The following GRIA1 variants were observed in gnomAD, a reference collection of about 807,000 sequenced individuals.
GRIA1 encodes the protein glutamate receptor 1.
A neutral mutation model predicts 99.2 loss-of-function variants in GRIA1; 31 were observed. The observed-to-expected ratio is 0.31, with a 90% CI of 0.23 to 0.42. The LOEUF (loss-of-function observed/expected upper bound fraction) is 0.42. Among genes scored for constraint, GRIA1 ranks in the 10% least tolerant of loss-of-function variants. The pLI is 1.00. For missense variants in GRIA1, 782 were observed against 1,157.5 expected (o/e 0.68, Z 4.71); for synonymous variants, 438 against 432.4 (o/e 1.01, Z -0.16).
chr5:153,599,048 G>GT (rs1480229222), intron 2 of GRIA1, among the ~76,000 whole-genome samples: 12 of 151,868 alleles, frequency 7.9e-5, no homozygotes, highest in Non-Finnish European at 1.6e-4. Context: ...CGCCTGGCTA[G>GT]TTTTTTTGTA....
intron 2 of GRIA1, among the ~76,000 whole-genome samples, chr5:153,500,661 A>G (rs1351071780): frequency 6.7e-6 from 1 of 149,830 alleles, no homozygotes; most frequent in African/African-American, 2.5e-5. Flanking sequence ...ACACATTCAG[A>G]GGAAGGAAGG....
intron 11 of GRIA1, among the ~76,000 whole-genome samples, chr5:153,717,017 G>A (rs1275128298): frequency 1.3e-5 from 2 of 152,190 alleles, no homozygotes. Flanking sequence ...ACAGGAAGCG[G>A]CTGTTGAGGA....
chr5:153,796,331 G>C (rs925492189), intron 14 of GRIA1, among the ~76,000 whole-genome samples: 1 of 152,054 alleles, frequency 6.6e-6, no homozygotes, highest in Admixed American at 6.5e-5. Context: ...TTCCTTTAAA[G>C]CTACTATCTT....
At chr5:153,562,170 G>A (rs1337676299) in intron 2 of GRIA1, among the ~76,000 whole-genome samples, 2 of 152,206 alleles carry the variant, frequency 1.3e-5, no homozygotes, top group Non-Finnish European at 2.9e-5. Context: ...AAATGGAGGT[G>A]AGGGTGGAAA....
intron 2 of GRIA1, among the ~76,000 whole-genome samples, chr5:153,610,166 T>G (rs1765856055): frequency 6.6e-6 from 1 of 152,154 alleles, no homozygotes; most frequent in Admixed American, 6.5e-5. Flanking sequence ...CAGGACAGTG[T>G]TGAATGGAGA....
intron 2 of GRIA1, among the ~76,000 whole-genome samples, chr5:153,634,679 G>A (rs1214078444): frequency 6.6e-6 from 1 of 152,214 alleles, no homozygotes; most frequent in Non-Finnish European, 1.5e-5. Flanking sequence ...AAGTATACGT[G>A]CATTGCAAGA....
rs146614665 is a variant in GRIA1, at chr5:153,516,104, C to G, written c.220+22039C>G. The stretch of plus-strand genomic sequence containing the variant: ...ACGTGGTGGCGGGCGCCTGTAATCC[C>G]AGCTGCTCAGAAGGCTAAGGCAGGA... On this transcript the variant is annotated intron_variant, in intron 2 of 15. Coordinates refer to ENST00000285900, the MANE Select transcript of GRIA1 (RefSeq NM_000827.4). 2.8e-3 allele frequency among the ~76,000 whole-genome samples: 427 copies of G among 152,168 alleles called. 2 individuals are homozygous for G. Among genetic ancestry groups the G allele is most frequent in the African/African-American group, 1.0e-2 (415 of 41,510 alleles).
At chr5:153,628,314 G>A (rs1018947066) in intron 2 of GRIA1, among the ~76,000 whole-genome samples, 2 of 152,180 alleles carry the variant, frequency 1.3e-5, no homozygotes, top group Admixed American at 6.5e-5. Flanking sequence ...TTGCTTTTCC[G>A]AAGGCAGGAC....
At chr5:153,688,847 G>A (rs1455678610) in intron 8 of GRIA1, among the ~76,000 whole-genome samples, 2 of 151,878 alleles carry the variant, frequency 1.3e-5, no homozygotes, top group Non-Finnish European at 2.9e-5. Flanking sequence ...AGCCTCCCGA[G>A]TGGTTGGGAT....
In GRIA1 at chr5:153,754,219, C is replaced by T. The variant is rs72804606; in HGVS notation, c.1824-10215C>T. On this transcript the variant is annotated intron_variant, in intron 11 of 15. Transcript: ENST00000285900. ...ACTTTCCTGGATAGAGGCCCAGCTTCACCTGAGCCAGTTCCAAATTGAAGG... is the reference window on the plus strand; with the variant it reads ...ACTTTCCTGGATAGAGGCCCAGCTTTACCTGAGCCAGTTCCAAATTGAAGG... Among the ~76,000 whole-genome samples, 523 of 152,272 alleles carry T rather than the reference C, an allele frequency of 3.4e-3. 3 individuals carry two copies. The highest frequency in any genetic ancestry group is 4.8e-3 in the Non-Finnish European group (324 of 68,024).
intron 13 of GRIA1, among the ~76,000 whole-genome samples, chr5:153,785,048 T>C (rs1439288951): frequency 2.0e-5 from 3 of 152,150 alleles, no homozygotes; most frequent in Admixed American, 6.5e-5. Context: ...TGTCATCCCC[T>C]CGAAATGGTT....
At chr5:153,548,834 G>T (rs1231816688) in intron 2 of GRIA1, among the ~76,000 whole-genome samples, 1 of 152,018 alleles carries the variant, frequency 6.6e-6, no homozygotes, top group African/African-American at 2.4e-5. Context: ...TTCTAAGACT[G>T]GGATTATGGT....
intron 2 of GRIA1, among the ~76,000 whole-genome samples, chr5:153,530,827 A>T (rs1343334650): frequency 2.5e-4 from 38 of 152,370 alleles, no homozygotes; most frequent in South Asian, 2.1e-4. Flanking sequence ...CTAACCAGCC[A>T]TACCTTTCAG....
At chr5:153,798,713 T>G (rs1014005900) in intron 14 of GRIA1, among the ~76,000 whole-genome samples, 16 of 152,090 alleles carry the variant, frequency 1.1e-4, no homozygotes, top group African/African-American at 3.9e-4. Flanking sequence ...ATAAAGAAAG[T>G]TTCAAGTCTC....
intron 2 of GRIA1, among the ~76,000 whole-genome samples, chr5:153,576,488 T>C (rs1024575071): frequency 2.0e-4 from 30 of 152,244 alleles, no homozygotes; most frequent in African/African-American, 7.2e-4. Flanking sequence ...CAATCTTTGA[T>C]ACCTTCATTC....
At position 153,750,221 on chromosome 5, in the gene GRIA1, A is replaced by G. The variant is rs1762423789; in HGVS notation, c.1824-14213A>G. Among the ~76,000 whole-genome samples the G allele has an allele frequency of 2.6e-5, 4 of 152,300 alleles. 1 individual carries two copies. The South Asian group carries it at 8.3e-4, about 32-fold the overall frequency. The stretch of plus-strand genomic sequence containing the variant: ...CTAGGAACCTCGATGCCCAGTATCA[A>G]GTGAGCCTCTCTCTGAACACAGCTC... On this transcript the variant is annotated intron_variant, in intron 11 of 15. Transcript: ENST00000285900.
Position 153,811,101 on chromosome 5 carries a change from G to A in GRIA1, c.2597G>A (p.Gly866Glu), listed in dbSNP as rs1340594187. The A allele has an allele frequency of 6.2e-7, 1 of 1,614,004 alleles. No individual in the cohort carries two copies. The highest frequency in any genetic ancestry group is 8.5e-7 in the Non-Finnish European group (1 of 1,179,978). Residue 866 changes from glycine to glutamate, a missense_variant, in exon 16 of 16, where the codon GGA becomes GAA. By Grantham distance (98) the Gly-to-Glu change is moderately conservative. Around this residue, in one of 5 missense-constraint regions of GRIA1, gnomAD observed 76 missense variants for 81.2 expected, o/e 0.94. Coordinates refer to ENST00000285900, the MANE Select transcript of GRIA1 (RefSeq NM_000827.4). Reference sequence around the variant, plus strand: ...ACCCTCCCCCGCAACAGCGGGGCAGGAGCCAGCAGCGGCGGCAGTGGAGAG... The same window carrying A: ...ACCCTCCCCCGCAACAGCGGGGCAGAAGCCAGCAGCGGCGGCAGTGGAGAG... ...TSTLPRNSGA[G>E]ASSGGSGENG... is the part of the protein sequence containing the mutation.
At chr5:153,512,336 T>C (rs1239474489) in intron 2 of GRIA1, among the ~76,000 whole-genome samples, 1 of 152,200 alleles carries the variant, frequency 6.6e-6, no homozygotes, top group Non-Finnish European at 1.5e-5. Context: ...TTATAGAGCA[T>C]GTTCAGGTGG....
intron 2 of GRIA1, among the ~76,000 whole-genome samples, chr5:153,569,380 T>G (rs537303981): frequency 6.6e-6 from 1 of 152,370 alleles, no homozygotes; most frequent in East Asian, 1.9e-4. Context: ...AGCTGGGTGG[T>G]AGGCAATGGA....
Sources: gnomAD v4.1 joint callset for allele counts (sites outside exome capture counted in the v4.1 genomes callset) on GRCh38, gnomAD v4.1.1 for gene constraint, gnomAD v4.1.1 regional missense constraint, MANE v1.5 for transcripts, NCBI Gene and HGNC (gene_info 2026-07-23, HGNC 2026-07-21) for gene names.